ADAM7: variants seen among roughly 807,000 people sequenced by gnomAD.
ADAM7 encodes the protein ADAM metallopeptidase domain 7.
Under a neutral mutation model 102.9 loss-of-function variants are expected in ADAM7, and 97 were observed. That is an observed-to-expected ratio of 0.94 (90% CI 0.80 to 1.12). The LOEUF is 1.12. Ranked by LOEUF, ADAM7 falls within the 50% of genes most tolerant of loss-of-function variation. The pLI is 0.00. For synonymous variants in ADAM7, 334 were observed against 304.4 expected, an observed-to-expected ratio of 1.10 and a Z score of -1.01; for missense variants, 991 against 908.7, an observed-to-expected ratio of 1.09 and a Z score of -1.16.
At chr8:24,471,951 C>A (rs953088619) in intron 7 of ADAM7, among the ~76,000 whole-genome samples, 27 of 151,638 alleles carry the variant, frequency 1.8e-4, no homozygotes, top group African/African-American at 6.5e-4. Flanking sequence ...CCTAAAAAAT[C>A]TCAAAACTAG....
At chr8:24,484,052 A>G (rs1209245026) in intron 9 of ADAM7, among the ~76,000 whole-genome samples, 3 of 152,242 alleles carry the variant, frequency 2.0e-5, no homozygotes, top group Non-Finnish European at 2.9e-5. Flanking sequence ...ATATGGCATT[A>G]TCATGTGTTA....
At chr8:24,477,650 A>G (rs1819813386) in intron 8 of ADAM7, among the ~76,000 whole-genome samples, 1 of 151,560 alleles carries the variant, frequency 6.6e-6, no homozygotes, top group Admixed American at 6.6e-5. Context: ...GCTGTTTTAT[A>G]CTATTTTTAA....
chr8:24,444,579 CTG>C (rs1402688413), intron 2 of ADAM7, among the ~76,000 whole-genome samples: 1 of 151,920 alleles, frequency 6.6e-6, no homozygotes, highest in Non-Finnish European at 1.5e-5. Context: ...ACCTCAAAAT[CTG>C]TAACATCAGT....
rs762504011 is a variant in ADAM7 at position 24,465,741 on chromosome 8, T to C, written c.355T>C (p.Ser119Pro). 144 of 1,610,976 alleles carry C rather than the reference T, an allele frequency of 8.9e-5. 1 individual carries two copies. The highest frequency in any genetic ancestry group is 7.5e-4 in the South Asian group (68 of 90,306). ...YQGSIVHEYDSAASISTCNGL... is the reference protein window; with the variant it reads ...YQGSIVHEYDPAASISTCNGL... ...AGGATCCATAGTACACGAATATGATTCAGCTGCCAGTATCAGTACGTGTAA... is the reference window on the plus strand; with the variant it reads ...AGGATCCATAGTACACGAATATGATCCAGCTGCCAGTATCAGTACGTGTAA... The change falls in exon 5 of 22, where the codon TCA becomes CCA. Residue 119 changes from serine (S) to proline (P), a missense_variant. Physicochemically the swap from Ser to Pro is moderately conservative, Grantham distance 74. Coordinates refer to ENST00000175238, the MANE Select transcript of ADAM7 (RefSeq NM_003817.4).
chr8:24,466,769 G>T, intron 5 of ADAM7, 30 bp from the exon 6 acceptor site: 1 of 1,591,408 alleles, frequency 6.3e-7, no homozygotes. Context: ...TATAGGCCTT[G>T]AATACAAATT....
intron 3 of ADAM7, among the ~76,000 whole-genome samples, chr8:24,463,513 G>A (rs568421474): frequency 6.6e-5 from 10 of 151,908 alleles, no homozygotes; most frequent in East Asian, 1.9e-4. Context: ...AGACGTACTC[G>A]CCACATATAT....
chr8:24,484,973 T>C (rs1820086212), intron 9 of ADAM7, among the ~76,000 whole-genome samples: 1 of 151,966 alleles, frequency 6.6e-6, no homozygotes, highest in Non-Finnish European at 1.5e-5. Flanking sequence ...GCCCAGCTAA[T>C]TTTTGTATTT....
chr8:24,473,381 C>T (rs540041684), intron 7 of ADAM7, among the ~76,000 whole-genome samples: 9 of 152,108 alleles, frequency 5.9e-5, no homozygotes, highest in African/African-American at 9.6e-5. Flanking sequence ...TTGCCTGGTA[C>T]GTGATATTGG....
intron 3 of ADAM7, among the ~76,000 whole-genome samples, chr8:24,460,557 ATTAGAT>A (rs1356662779): frequency 9.9e-5 from 15 of 151,856 alleles, no homozygotes; most frequent in Non-Finnish European, 1.5e-4. Context: ...GACTCTCTAC[ATTAGAT>A]TTAATTTTCA....
intron 3 of ADAM7, among the ~76,000 whole-genome samples, chr8:24,457,854 A>ATGTG (rs143375543): frequency 1.2e-3 from 136 of 115,176 alleles, no homozygotes; most frequent in East Asian, 5.2e-3. Flanking sequence ...GTATGTGCAT[A>ATGTG]TGTGTGTGAG....
chr8:24,475,066 G>A (rs1819724891), intron 7 of ADAM7, among the ~76,000 whole-genome samples: 1 of 152,092 alleles, frequency 6.6e-6, no homozygotes, highest in Non-Finnish European at 1.5e-5. Flanking sequence ...TGAGGATATG[G>A]ATGAAACACT....
chr8:24,493,175 T>C lies in ADAM7; in HGVS notation c.1788T>C (p.His596=), dbSNP rs1357010611. ...TVKCKTIFLY[H]DSTDIGLVAS... ...AATGCAAAACTATTTTTTTATACCA[T>C]GATTCTACAGACATTGGCCTGGTGG... The change falls in exon 16 of 22, where the codon CAT becomes CAC. Residue 596 remains histidine (H), a synonymous_variant. Transcript: ENST00000175238. 1.2e-6 allele frequency: 2 copies of C among 1,613,410 alleles called. No homozygotes were observed. The highest frequency in any genetic ancestry group is 1.1e-5 in the South Asian group (1 of 90,972).
At chr8:24,474,931 A>G (rs1819720172) in intron 7 of ADAM7, among the ~76,000 whole-genome samples, 1 of 152,100 alleles carries the variant, frequency 6.6e-6, no homozygotes, top group Admixed American at 6.6e-5. Context: ...AGAAAGCAAG[A>G]GAAGGATAGA....
chr8:24,456,078 C>T (rs987977693), intron 3 of ADAM7, among the ~76,000 whole-genome samples: 3 of 152,140 alleles, frequency 2.0e-5, no homozygotes, highest in Non-Finnish European at 4.4e-5. Flanking sequence ...AACTAACTTA[C>T]TCATCCCATG....
Position 24,482,297 on chromosome 8 carries a change from T to C in ADAM7, c.861T>C (p.His287=). Residue 287 remains histidine, a synonymous_variant, in exon 9 of 22, where the codon CAT becomes CAC. Transcript: ENST00000175238. ...KILKTRKDFD[H]VVLLSGKWLY... ...TTAAAACACGGAAGGATTTTGATCA[T>C]GTTGTATTACTCAGGTTGGTGATTG... 1 of 1,610,676 alleles carries C rather than the reference T, an allele frequency of 6.2e-7. No individual in the cohort carries two copies. Among genetic ancestry groups the C allele is most frequent in the Non-Finnish European group, 8.5e-7 (1 of 1,178,946 alleles).
chr8:24,467,175 G>T, intron 6 of ADAM7, 187 bp downstream of exon 6: 1 of 608,480 alleles, frequency 1.6e-6, no homozygotes, highest in East Asian at 2.8e-5. Context: ...CATAGAGTTT[G>T]TTTAATCAGT....
chr8:24,489,342 A>C lies in ADAM7; in HGVS notation c.1266+9A>C, dbSNP rs752628588. The C allele has an allele frequency of 6.9e-6, 11 of 1,596,870 alleles. No individual in the cohort carries two copies. The East Asian group carries it at 2.2e-4, about 33-fold the overall frequency. On this transcript the variant is annotated intron_variant, in intron 12 of 21. Coordinates refer to ENST00000175238, the MANE Select transcript of ADAM7 (RefSeq NM_003817.4). Reference sequence around the variant, plus strand: ...ACTGTGGCCCTGCTCAGGTATTTGCAAATGAAGCTATCTTTAAATTGCAAA... The same window carrying C: ...ACTGTGGCCCTGCTCAGGTATTTGCCAATGAAGCTATCTTTAAATTGCAAA...
chr8:24,464,774 T>A (rs1002959240), intron 4 of ADAM7, among the ~76,000 whole-genome samples: 12 of 142,318 alleles, frequency 8.4e-5, no homozygotes, highest in African/African-American at 3.1e-4. Context: ...CTAATTTTTG[T>A]ATTTTTAGTA....
At chr8:24,455,683 G>T (rs766974387) in intron 3 of ADAM7, among the ~76,000 whole-genome samples, 41 of 152,322 alleles carry the variant, frequency 2.7e-4, no homozygotes, top group Non-Finnish European at 4.9e-4. Flanking sequence ...TAGGATTACA[G>T]GCATGCACCA....
Sources: allele counts gnomAD v4.1 joint callset (sites outside exome capture counted in the v4.1 genomes callset), GRCh38; gene constraint gnomAD v4.1.1; transcripts MANE v1.5; gene names NCBI Gene and HGNC (gene_info 2026-07-23, HGNC 2026-07-21).